Variants in ARID4A observed in about 807,000 individuals in gnomAD.
The protein encoded by ARID4A is AT-rich interaction domain 4A.
ARID4A carries 39 observed loss-of-function variants against 148.6 expected under a neutral mutation model. The observed-to-expected ratio is 0.26, with a 90% CI of 0.20 to 0.34. The LOEUF (loss-of-function observed/expected upper bound fraction) is 0.34. ARID4A is among the 10% of genes least tolerant of loss of function. The probability of loss-of-function intolerance (pLI) is 1.00; values close to 1 mark genes in which losing one functional copy is unlikely to be tolerated. For missense variants in ARID4A, 1,265 were observed against 1,449.1 expected, an observed-to-expected ratio of 0.87 and a Z score of 2.06; for synonymous variants, 475 against 481.2, an observed-to-expected ratio of 0.99 and a Z score of 0.17.
At chr14:58,342,836 T>C (rs2034177795) in intron 11 of ARID4A, among the ~76,000 whole-genome samples, 1 of 151,910 alleles carries the variant, frequency 6.6e-6, no homozygotes, top group East Asian at 1.9e-4. Flanking sequence ...TCGCTTGAAC[T>C]CGGGAGGCAG....
chr14:58,370,439 G>A (rs1347845659), intron 23 of ARID4A, among the ~76,000 whole-genome samples: 1 of 152,064 alleles, frequency 6.6e-6, no homozygotes, highest in Non-Finnish European at 1.5e-5. Context: ...TGGGATTACA[G>A]GTGCCCGCCA....
chr14:58,345,361 C>T (rs1401538332), intron 12 of ARID4A, among the ~76,000 whole-genome samples: 1 of 151,998 alleles, frequency 6.6e-6, no homozygotes, highest in Non-Finnish European at 1.5e-5. Context: ...AGAAAGTGAC[C>T]AGTTATGTTA....
At chr14:58,339,785 A>G (rs947476036) in intron 11 of ARID4A, among the ~76,000 whole-genome samples, 10 of 152,008 alleles carry the variant, frequency 6.6e-5, no homozygotes, top group Non-Finnish European at 1.3e-4. Flanking sequence ...AGGCCTCAGG[A>G]AACTTATAAT....
intron 11 of ARID4A, among the ~76,000 whole-genome samples, chr14:58,342,243 C>T: frequency 6.6e-6 from 1 of 152,130 alleles, no homozygotes; most frequent in Non-Finnish European, 1.5e-5. Context: ...TTTATAGCAT[C>T]ATGTTTTATT....
At position 58,344,391 on chromosome 14, in the gene ARID4A, A is replaced by T. The variant is rs544397192; in HGVS notation, c.907-304A>T. On this transcript the variant is annotated intron_variant, in intron 11 of 23. Coordinates refer to ENST00000355431, the MANE Select transcript of ARID4A (RefSeq NM_002892.4). ...TAGTATTTAAATGGGCTTTAAAAAA[A>T]ATATATCAGGTGAGGTGAAAACGTA... 2.3e-4 allele frequency among the ~76,000 whole-genome samples: 35 copies of T among 152,312 alleles called. 1 individual carries two copies. In the South Asian group the frequency reaches 5.8e-3, roughly 25 times the overall value.
At chr14:58,321,953 G>A (rs917149035) in intron 7 of ARID4A, among the ~76,000 whole-genome samples, 1 of 75,488 alleles carries the variant, frequency 1.3e-5, no homozygotes, top group African/African-American at 4.8e-5. Flanking sequence ...TGTTGTTGTT[G>A]TTGTTTTTTT....
rs765474026 is a variant in ARID4A, at chr14:58,330,010, G to A, written c.747G>A (p.Gln249=). The A allele has an allele frequency of 6.2e-7, 1 of 1,608,762 alleles. No individual in the cohort carries two copies. The highest frequency in any genetic ancestry group is 8.5e-7 in the Non-Finnish European group (1 of 1,178,752). ...ESELSTKPGL[Q]KASIFLKTRV... Reference sequence around the variant, plus strand: ...GTACATTTTCACTCTTAGGGCTTCAGAAAGCAAGCATCTTCTTAAAAACTA... The same window carrying A: ...GTACATTTTCACTCTTAGGGCTTCAAAAAGCAAGCATCTTCTTAAAAACTA... The change falls in exon 11 of 24, where the codon CAG becomes CAA. Residue 249 remains glutamine (Q), a synonymous_variant. Coordinates refer to ENST00000355431, the MANE Select transcript of ARID4A (RefSeq NM_002892.4).
rs553902881 is a variant in ARID4A, at chr14:58,305,957, G to A, written c.184-65G>A. 4.8e-5 allele frequency: 53 copies of A among 1,109,708 alleles called. No individual in the cohort carries two copies. The African/African-American group carries it at 5.4e-4, about 11-fold the overall frequency. 68.7% of individuals were successfully genotyped at this position (1,109,708 alleles called of 1,614,324 possible). ...TTATTTTTCTTAGCTAGATTATATA[G>A]TTGGTGGGAGTGATTTGGTTTATTT... On this transcript the variant is annotated intron_variant, in intron 4 of 23. Coordinates refer to ENST00000355431, the MANE Select transcript of ARID4A (RefSeq NM_002892.4).
intron 15 of ARID4A, among the ~76,000 whole-genome samples, chr14:58,349,380 C>T (rs982879572): frequency 2.0e-5 from 3 of 152,018 alleles, no homozygotes; most frequent in Non-Finnish European, 4.4e-5. Flanking sequence ...GGCGCGGTGG[C>T]TCATGCCTGT....
rs1364471410 is a variant in ARID4A, at chr14:58,365,037, C to G, written c.2948C>G (p.Ser983Cys). The G allele has an allele frequency of 6.2e-7, 1 of 1,613,998 alleles. No homozygotes were observed. Among genetic ancestry groups the G allele is most frequent in the African/African-American group, 1.3e-5 (1 of 74,916 alleles). ...ATTGAGGATGTAGCAGTTGAAAGCT[C>G]TGAGTCTAACTCTCTTGTTTCTATT... ...TSIEDVAVES[S>C]ESNSLVSIPP... The change falls in exon 20 of 24, where the codon TCT becomes TGT. Residue 983 changes from serine (S) to cysteine (C), a missense_variant. By Grantham distance (112) the Ser-to-Cys change is moderately radical. This residue lies in a region of ARID4A where 666 missense variants were observed against 730.9 expected (regional missense o/e 0.91). Transcript: ENST00000355431.
At position 58,318,413 on chromosome 14, in the gene ARID4A, G is replaced by C. The variant is rs1409709682; in HGVS notation, c.275-129G>C. On this transcript the variant is annotated intron_variant, in intron 5 of 23. Coordinates refer to ENST00000355431, the MANE Select transcript of ARID4A (RefSeq NM_002892.4). ...ATGGTATGCTCATTGTAAAGGTTTT[G>C]AAAAATGACTAAAATAATGGTTCTT... 3.1e-6 allele frequency: 3 copies of C among 965,218 alleles called. No individual in the cohort carries two copies. In the Admixed American group the frequency reaches 7.2e-5, roughly 23 times the overall value. The allele number at this position is 965,218 out of a possible 1,614,324, so 59.8% of individuals were successfully genotyped here.
rs1365477881 is a variant in ARID4A at position 58,372,626 on chromosome 14, A to G, written c.*637A>G. ...TTATAGGATTTTTGAGCACAAAATTATGCAAATATTTTAATGTTTATTAAT... is the reference window on the plus strand; with the variant it reads ...TTATAGGATTTTTGAGCACAAAATTGTGCAAATATTTTAATGTTTATTAAT... On this transcript the variant is annotated 3_prime_UTR_variant, in exon 24 of 24. Transcript: ENST00000355431. 1 of 195,472 alleles carries G rather than the reference A, an allele frequency of 5.1e-6. No individual in the cohort carries two copies. Among genetic ancestry groups the G allele is most frequent in the Non-Finnish European group, 1.1e-5 (1 of 93,846 alleles). The allele number at this position is 195,472 out of a possible 1,614,324, so 12.1% of individuals were successfully genotyped here.
intron 5 of ARID4A, among the ~76,000 whole-genome samples, chr14:58,306,328 A>G (rs2031595019): frequency 1.3e-5 from 2 of 152,210 alleles, no homozygotes; most frequent in Non-Finnish European, 2.9e-5. Flanking sequence ...TCATCCAAAA[A>G]TGTACTTCTA....
chr14:58,361,066 A>G, intron 19 of ARID4A, 24 bp downstream of exon 19: 1 of 1,601,944 alleles, frequency 6.2e-7, no homozygotes, highest in Non-Finnish European at 8.5e-7. Flanking sequence ...TCGCAGCAAT[A>G]TACCAGACAG....
chr14:58,337,647 C>G (rs930809914), intron 11 of ARID4A, among the ~76,000 whole-genome samples: 1 of 152,082 alleles, frequency 6.6e-6, no homozygotes, highest in African/African-American at 2.4e-5. Flanking sequence ...CAATTTCTTA[C>G]ATAATTTTGT....
chr14:58,362,684 A>G (rs887252242), intron 19 of ARID4A, among the ~76,000 whole-genome samples: 16 of 151,212 alleles, frequency 1.1e-4, no homozygotes, highest in Non-Finnish European at 2.1e-4. Flanking sequence ...CAGTCTCCCA[A>G]GTAGCTGGGA....
intron 19 of ARID4A, among the ~76,000 whole-genome samples, chr14:58,361,755 C>T (rs1334675672): frequency 6.6e-6 from 1 of 152,150 alleles, no homozygotes; most frequent in Non-Finnish European, 1.5e-5. Context: ...AACTGTTGTG[C>T]ACCTGTGTTT....
intron 11 of ARID4A, among the ~76,000 whole-genome samples, chr14:58,342,273 A>G (rs1410844206): frequency 6.6e-6 from 1 of 152,128 alleles, no homozygotes. Flanking sequence ...TGGAAAAGAA[A>G]TTTCCCCTCA....
At position 58,318,530 on chromosome 14, in the gene ARID4A, T is replaced by G; in HGVS notation, c.275-12T>G. ...TGTGCATAAATTCTCTGTTATCTTTTGCTTATTATAGTGTTTGATGATGGT... is the reference window on the plus strand; with the variant it reads ...TGTGCATAAATTCTCTGTTATCTTTGGCTTATTATAGTGTTTGATGATGGT... On this transcript the variant is annotated splice_polypyrimidine_tract_variant and intron_variant, in intron 5 of 23. Coordinates refer to ENST00000355431, the MANE Select transcript of ARID4A (RefSeq NM_002892.4). 6.2e-7 allele frequency: 1 copy of G among 1,613,406 alleles called. No individual in the cohort carries two copies. The highest frequency in any genetic ancestry group is 1.1e-5 in the South Asian group (1 of 91,018).
Sources: allele counts gnomAD v4.1 joint callset (sites outside exome capture counted in the v4.1 genomes callset), GRCh38; gene constraint gnomAD v4.1.1; regional missense constraint gnomAD v4.1.1; transcripts MANE v1.5; gene names NCBI Gene and HGNC (gene_info 2026-07-23, HGNC 2026-07-21).